GRID2: variants seen among roughly 807,000 people sequenced by gnomAD.
The protein encoded by GRID2 is glutamate receptor ionotropic, delta-2.
GRID2 carries 33 observed loss-of-function variants against 114.8 expected under a neutral mutation model. The observed-to-expected ratio is 0.29, with a 90% CI of 0.22 to 0.38. GRID2 has a LOEUF of 0.38. GRID2 is among the 10% of genes least tolerant of loss of function. The pLI is 1.00. For synonymous variants in GRID2, 505 were observed against 449.9 expected (o/e 1.12, Z -1.55); for missense variants, 1,184 against 1,257.7 (o/e 0.94, Z 0.89).
chr4:93,556,608 C>A (rs919306584), intron 13 of GRID2, among the ~76,000 whole-genome samples: 2 of 152,092 alleles, frequency 1.3e-5, no homozygotes, highest in African/African-American at 4.8e-5. Flanking sequence ...TGTGAAAAGA[C>A]CAAACCTACG....
intron 1 of GRID2, among the ~76,000 whole-genome samples, chr4:92,556,535 C>A (rs1338787961): frequency 6.6e-6 from 1 of 152,060 alleles, no homozygotes; most frequent in Non-Finnish European, 1.5e-5. Context: ...TAATGGCTCA[C>A]AGCATCAAAA....
intron 2 of GRID2, among the ~76,000 whole-genome samples, chr4:92,876,449 T>C (rs900202983): frequency 6.6e-6 from 1 of 151,850 alleles, no homozygotes; most frequent in Admixed American, 6.6e-5. Context: ...GGACTACAGG[T>C]GCCTGCCACC....
chr4:93,406,208 A>G (rs188800001), intron 9 of GRID2, among the ~76,000 whole-genome samples: 3 of 152,266 alleles, frequency 2.0e-5, no homozygotes, highest in African/African-American at 4.8e-5. Flanking sequence ...CCAAGTATGG[A>G]AAAACCTTTT....
chr4:93,111,611 A>C (rs1419987658), intron 4 of GRID2, among the ~76,000 whole-genome samples: 1 of 152,246 alleles, frequency 6.6e-6, no homozygotes, highest in African/African-American at 2.4e-5. Context: ...TGCCTTGTAA[A>C]AGTTTATTGT....
At chr4:92,397,108 A>G (rs930499846) in intron 1 of GRID2, among the ~76,000 whole-genome samples, 1 of 152,094 alleles carries the variant, frequency 6.6e-6, no homozygotes, top group African/African-American at 2.4e-5. Flanking sequence ...GAATCATTAC[A>G]TTCTTGAAAT....
At chr4:93,394,223 T>C (rs185761554) in intron 8 of GRID2, among the ~76,000 whole-genome samples, 2 of 152,122 alleles carry the variant, frequency 1.3e-5, no homozygotes, top group East Asian at 3.9e-4. Flanking sequence ...TCAACACATT[T>C]GGATTTGCTA....
chr4:93,220,542 C>T (rs1383378163), intron 6 of GRID2, among the ~76,000 whole-genome samples: 1 of 151,964 alleles, frequency 6.6e-6, no homozygotes, highest in Non-Finnish European at 1.5e-5. Flanking sequence ...AATTATTTGC[C>T]AATTAAACTA....
intron 2 of GRID2, among the ~76,000 whole-genome samples, chr4:92,849,533 A>C (rs1743599309): frequency 6.6e-6 from 1 of 151,944 alleles, no homozygotes; most frequent in Non-Finnish European, 1.5e-5. Context: ...TAATTTTAAT[A>C]ATTTAAACAG....
chr4:92,620,204 T>G (rs570270105), intron 2 of GRID2, among the ~76,000 whole-genome samples: 26 of 151,800 alleles, frequency 1.7e-4, no homozygotes, highest in African/African-American at 5.8e-4. Context: ...TTAGGTAATA[T>G]CAAAGAGTGG....
At chr4:93,090,159 G>A (rs905574625) in intron 3 of GRID2, among the ~76,000 whole-genome samples, 5 of 152,054 alleles carry the variant, frequency 3.3e-5, no homozygotes, top group African/African-American at 1.2e-4. Flanking sequence ...TGGGGATTGC[G>A]ATCAAATCCA....
At chr4:92,932,967 G>A (rs1423710987) in intron 2 of GRID2, among the ~76,000 whole-genome samples, 2 of 151,064 alleles carry the variant, frequency 1.3e-5, no homozygotes, top group East Asian at 3.9e-4. Context: ...GGAAATTTGG[G>A]AAATAATGGG....
chr4:93,315,801 A>T (rs369496434), intron 8 of GRID2, among the ~76,000 whole-genome samples: 1 of 152,210 alleles, frequency 6.6e-6, no homozygotes, highest in African/African-American at 2.4e-5. Context: ...TTGATTTATT[A>T]TAGTAACTTA....
intron 12 of GRID2, among the ~76,000 whole-genome samples, chr4:93,499,066 A>G (rs1727847789): frequency 6.6e-6 from 1 of 151,818 alleles, no homozygotes; most frequent in South Asian, 2.1e-4. Flanking sequence ...TAGCCTGTTT[A>G]GTGGATTACA....
intron 13 of GRID2, among the ~76,000 whole-genome samples, chr4:93,597,520 G>C (rs564590732): frequency 1.3e-5 from 2 of 152,246 alleles, no homozygotes; most frequent in Admixed American, 1.3e-4. Flanking sequence ...CCAATAGAAT[G>C]AATTTTAATG....
chr4:92,509,194 CGAT>C (rs1265827997), intron 1 of GRID2, among the ~76,000 whole-genome samples: 2 of 151,656 alleles, frequency 1.3e-5, no homozygotes, highest in Admixed American at 6.6e-5. Context: ...ATATAAATGA[CGAT>C]ATTATTAAAA....
chr4:92,748,786 T>C (rs1216568206), intron 2 of GRID2, among the ~76,000 whole-genome samples: 3 of 150,660 alleles, frequency 2.0e-5, no homozygotes, highest in Non-Finnish European at 4.4e-5. Context: ...CTCAGCCTCC[T>C]GAGTAGCTGG....
intron 2 of GRID2, chr4:92,822,202 T>C: frequency 2.1e-6 from 1 of 474,810 alleles, no homozygotes. Context: ...CAGTTGAGGC[T>C]AAAGCACAGG....
At chr4:93,682,992 A>C (rs1725729674) in intron 14 of GRID2, among the ~76,000 whole-genome samples, 1 of 151,998 alleles carries the variant, frequency 6.6e-6, no homozygotes, top group Non-Finnish European at 1.5e-5. Context: ...AGAAAAAAAA[A>C]CCCTAGGTTA....
intron 12 of GRID2, among the ~76,000 whole-genome samples, chr4:93,505,889 G>A (rs1267058270): frequency 2.0e-5 from 3 of 152,014 alleles, no homozygotes; most frequent in Admixed American, 2.0e-4. Flanking sequence ...TGTAATGTGG[G>A]TCAATAAGTC....
Sources: gnomAD v4.1 joint callset for allele counts (sites outside exome capture counted in the v4.1 genomes callset) on GRCh38, gnomAD v4.1.1 for gene constraint, MANE v1.5 for transcripts, NCBI Gene and HGNC (gene_info 2026-07-23, HGNC 2026-07-21) for gene names.